The following ETV6 variants were observed in gnomAD, a reference collection of about 807,000 sequenced individuals.
ETV6 encodes transcription factor ETV6.
Under a neutral mutation model 51.1 loss-of-function variants are expected in ETV6, and 16 were observed. The observed-to-expected ratio is 0.31, with a 90% CI of 0.21 to 0.48. ETV6 has a LOEUF of 0.48. Among genes scored for constraint, ETV6 ranks in the 20% least tolerant of loss-of-function variants. The probability of loss-of-function intolerance (pLI) is 0.99; values close to 1 mark genes in which losing one functional copy is unlikely to be tolerated. For synonymous variants in ETV6, 240 were observed against 224.1 expected (o/e 1.07, Z -0.64); for missense variants, 458 against 594.8 (o/e 0.77, Z 2.39).
intron 4 of ETV6, among the ~76,000 whole-genome samples, chr12:11,866,474 C>T (rs142082852): frequency 6.6e-6 from 1 of 152,286 alleles, no homozygotes; most frequent in East Asian, 1.9e-4. Context: ...TTCTATTCCA[C>T]TGAAGAGTAT....
intron 1 of ETV6, among the ~76,000 whole-genome samples, chr12:11,691,626 T>C (rs1432626709): frequency 6.6e-6 from 1 of 152,218 alleles, no homozygotes; most frequent in African/African-American, 2.4e-5. Flanking sequence ...CTTTTTTACT[T>C]AACGTCTCGA....
At chr12:11,777,207 T>C (rs1420389908) in intron 2 of ETV6, among the ~76,000 whole-genome samples, 1 of 123,348 alleles carries the variant, frequency 8.1e-6, no homozygotes, top group Admixed American at 1.1e-4. Context: ...GCCACTGCAC[T>C]CCAGCCTGGG....
intron 5 of ETV6, among the ~76,000 whole-genome samples, chr12:11,880,277 G>A (rs904157802): frequency 1.3e-5 from 2 of 152,162 alleles, no homozygotes; most frequent in African/African-American, 4.8e-5. Context: ...GGCTTTGCTG[G>A]ATTAAATGTC....
intron 1 of ETV6, among the ~76,000 whole-genome samples, chr12:11,652,976 T>C (rs959781084): frequency 1.3e-5 from 2 of 152,138 alleles, no homozygotes; most frequent in African/African-American, 4.8e-5. Flanking sequence ...CCAAGGGCAC[T>C]GAAACTCTCA....
chr12:11,793,331 G>C (rs189681633), intron 2 of ETV6, among the ~76,000 whole-genome samples: 1 of 152,232 alleles, frequency 6.6e-6, no homozygotes, highest in East Asian at 1.9e-4. Context: ...CTCATGAGTG[G>C]TGGAGCTCCC....
intron 2 of ETV6, among the ~76,000 whole-genome samples, chr12:11,788,331 T>C (rs1945519462): frequency 6.6e-6 from 1 of 152,216 alleles, no homozygotes; most frequent in Admixed American, 6.5e-5. Flanking sequence ...TGGGCCTTTT[T>C]CCCCCTCCAC....
chr12:11,752,251 T>C (rs1235349373), intron 1 of ETV6, among the ~76,000 whole-genome samples, 199 bp from the exon 2 acceptor site: 1 of 152,192 alleles, frequency 6.6e-6, no homozygotes, highest in Non-Finnish European at 1.5e-5. Context: ...AGTTTTGTTA[T>C]ATAGCCCCAA....
chr12:11,685,478 C>A (rs1268198309), intron 1 of ETV6, among the ~76,000 whole-genome samples: 2 of 152,110 alleles, frequency 1.3e-5, no homozygotes, highest in African/African-American at 4.8e-5. Flanking sequence ...TGGGACACTT[C>A]CTAATTTTTT....
intron 2 of ETV6, chr12:11,769,054 G>C (rs1945203823): frequency 2.6e-5 from 11 of 428,490 alleles, no homozygotes. Flanking sequence ...AAAAAACTTG[G>C]ATAATAATTA....
At chr12:11,859,747 T>C (rs2723804) in intron 4 of ETV6, among the ~76,000 whole-genome samples, 61,629 of 152,020 alleles carry the variant, frequency 0.41, 14,710 homozygotes, top group South Asian at 0.6. Context: ...ATTTGTAGTG[T>C]AGGCGCCCTG....
At chr12:11,717,220 G>A (rs1347539930) in intron 1 of ETV6, among the ~76,000 whole-genome samples, 1 of 152,238 alleles carries the variant, frequency 6.6e-6, no homozygotes, top group Non-Finnish European at 1.5e-5. Context: ...CAGGCAACCA[G>A]CTATGCCTTC....
intron 1 of ETV6, chr12:11,751,962 T>C (rs1417627714): frequency 2.7e-6 from 1 of 367,166 alleles, no homozygotes; most frequent in Non-Finnish European, 5.4e-6. Flanking sequence ...TCTTTGAAGC[T>C]GTCACTTTAC....
rs138208833 is a variant in ETV6, at chr12:11,869,713, C to T, written c.753C>T (p.Ser251=). Residue 251 remains serine, a synonymous_variant, in exon 5 of 8, where the codon TCC becomes TCT. Transcript: ENST00000396373. The surrounding 1 kb of genome is among the most constrained non-coding windows in gnomAD (Gnocchi z 5.0). ...ENNHCPASSE[S]HPKPSSPRQE... Reference sequence around the variant, plus strand: ...ATCACTGCCCAGCGTCCTCCGAGTCCCACCCGAAGCCATCCAGCCCCCGGC... The same window carrying T: ...ATCACTGCCCAGCGTCCTCCGAGTCTCACCCGAAGCCATCCAGCCCCCGGC... 6.2e-7 allele frequency: 1 copy of T among 1,614,028 alleles called. No individual in the cohort carries two copies. Among genetic ancestry groups the T allele is most frequent in the South Asian group, 1.1e-5 (1 of 91,076 alleles).
rs139280215 is a variant in ETV6, at chr12:11,721,799, G to A, written c.34-30651G>A. 9.5e-4 allele frequency among the ~76,000 whole-genome samples: 144 copies of A among 152,330 alleles called. 1 individual carries two copies. The highest frequency in any genetic ancestry group is 3.2e-3 in the African/African-American group (135 of 41,576). On this transcript the variant is annotated intron_variant, in intron 1 of 7. Coordinates refer to ENST00000396373, the MANE Select transcript of ETV6 (RefSeq NM_001987.5). ...TCTGGCACCCTGGCATATAATAGATGCCTAATGAACATTAGTTTCCTTATT... is the reference window on the plus strand; with the variant it reads ...TCTGGCACCCTGGCATATAATAGATACCTAATGAACATTAGTTTCCTTATT...
At chr12:11,728,335 C>T (rs1865529058) in intron 1 of ETV6, among the ~76,000 whole-genome samples, 1 of 152,290 alleles carries the variant, frequency 6.6e-6, no homozygotes, top group Middle Eastern at 3.4e-3. Context: ...TAGTACTGTC[C>T]GTGGCCTTTT....
intron 2 of ETV6, among the ~76,000 whole-genome samples, chr12:11,800,652 T>C (rs1366988518): frequency 6.6e-6 from 1 of 152,190 alleles, no homozygotes; most frequent in Non-Finnish European, 1.5e-5. Context: ...TACTGGCTTA[T>C]TTCACTTAGC....
intron 2 of ETV6, among the ~76,000 whole-genome samples, chr12:11,836,181 T>A (rs1946312818): frequency 6.6e-6 from 1 of 151,426 alleles, no homozygotes; most frequent in African/African-American, 2.4e-5. Flanking sequence ...AAGGGGCTTT[T>A]TCCCCCCTCA....
intron 1 of ETV6, among the ~76,000 whole-genome samples, chr12:11,667,364 C>T (rs1025085056): frequency 6.6e-6 from 1 of 152,256 alleles, no homozygotes; most frequent in South Asian, 2.1e-4. Context: ...CTTCCCCTCC[C>T]TTTACAGCCT....
intron 1 of ETV6, among the ~76,000 whole-genome samples, chr12:11,730,653 G>A (rs555224125): frequency 8.5e-5 from 13 of 152,326 alleles, no homozygotes; most frequent in Admixed American, 7.2e-4. Context: ...TCCTACAGGT[G>A]CAGAGAATGG....
Sources: gnomAD v4.1 joint callset for allele counts (sites outside exome capture counted in the v4.1 genomes callset) on GRCh38, gnomAD v4.1.1 for gene constraint, Gnocchi (gnomAD v3.1) non-coding constraint, MANE v1.5 for transcripts, NCBI Gene and HGNC (gene_info 2026-07-23, HGNC 2026-07-21) for gene names.